Variants in DLG2 observed in about 807,000 individuals in gnomAD.
DLG2 encodes the protein discs large MAGUK scaffold protein 2.
A neutral mutation model predicts 132.5 loss-of-function variants in DLG2; 45 were observed. The ratio of observed to expected loss-of-function variants is 0.34; its 90% CI spans 0.27 to 0.44. The LOEUF (loss-of-function observed/expected upper bound fraction) is 0.44, where lower values mean the gene tolerates loss of function less well. DLG2 is among the 20% of genes least tolerant of loss of function. The pLI, the probability that DLG2 is intolerant of heterozygous loss-of-function variation, is 1.00. For synonymous variants in DLG2, 424 were observed against 419.6 expected (o/e 1.01, Z -0.13); for missense variants, 1,045 against 1,196.9 (o/e 0.87, Z 1.87).
intron 19 of DLG2, among the ~76,000 whole-genome samples, chr11:83,602,905 T>C (rs2058768943): frequency 6.6e-6 from 1 of 152,232 alleles, no homozygotes; most frequent in South Asian, 2.1e-4. Context: ...TATGATCACA[T>C]TTTAAAGAGC....
chr11:84,021,160 A>G (rs919132642), intron 11 of DLG2, among the ~76,000 whole-genome samples: 35 of 152,154 alleles, frequency 2.3e-4, no homozygotes, highest in African/African-American at 7.7e-4. Flanking sequence ...GCCCCTTTAT[A>G]TACTATTACA....
At chr11:84,554,957 T>C (rs1006268199) in intron 6 of DLG2, among the ~76,000 whole-genome samples, 1 of 152,086 alleles carries the variant, frequency 6.6e-6, no homozygotes, top group African/African-American at 2.4e-5. Context: ...TGAGAATCTT[T>C]GTGTTGGAAA....
At chr11:83,930,887 G>T (rs879921384) in intron 14 of DLG2, among the ~76,000 whole-genome samples, 1 of 152,106 alleles carries the variant, frequency 6.6e-6, no homozygotes, top group Non-Finnish European at 1.5e-5. Flanking sequence ...CAAACTTGAG[G>T]ATAAAGCCAA....
intron 6 of DLG2, among the ~76,000 whole-genome samples, chr11:84,582,205 G>C (rs981289594): frequency 2.0e-5 from 3 of 151,416 alleles, no homozygotes; most frequent in Non-Finnish European, 2.9e-5. Flanking sequence ...GAGTAGAAAG[G>C]CAAGGTAATA....
At chr11:83,487,365 G>T (rs2093585316) in intron 21 of DLG2, among the ~76,000 whole-genome samples, 1 of 151,992 alleles carries the variant, frequency 6.6e-6, no homozygotes, top group Admixed American at 6.6e-5. Context: ...GCCACATTTG[G>T]TTCCAAAAGC....
At chr11:84,547,747 A>C (rs2099393139) in intron 6 of DLG2, among the ~76,000 whole-genome samples, 1 of 152,100 alleles carries the variant, frequency 6.6e-6, no homozygotes, top group African/African-American at 2.4e-5. Context: ...TGTCTCTGCC[A>C]TTCTCACTGG....
chr11:84,651,594 T>C (rs965146358), intron 6 of DLG2, among the ~76,000 whole-genome samples: 2 of 152,202 alleles, frequency 1.3e-5, no homozygotes, highest in Non-Finnish European at 2.9e-5. Flanking sequence ...TCACAGGTTG[T>C]TGGAATCCAA....
chr11:85,237,645 G>A (rs945922432), intron 4 of DLG2, among the ~76,000 whole-genome samples: 6 of 152,026 alleles, frequency 3.9e-5, no homozygotes, highest in African/African-American at 1.4e-4. Flanking sequence ...ATGACCAGAT[G>A]GGAGGTCAGA....
intron 6 of DLG2, among the ~76,000 whole-genome samples, chr11:84,614,876 G>A (rs1262651881): frequency 2.0e-5 from 3 of 152,004 alleles, no homozygotes; most frequent in Admixed American, 2.0e-4. Flanking sequence ...TACATCAATT[G>A]TGCTATAATC....
chr11:83,667,686 A>T (rs562114498), intron 18 of DLG2, among the ~76,000 whole-genome samples: 84 of 152,280 alleles, frequency 5.5e-4, no homozygotes, highest in African/African-American at 1.9e-3. Context: ...ATGTACAGAA[A>T]TTAAAGGAAG....
chr11:84,498,691 T>C (rs1292447858), intron 7 of DLG2, among the ~76,000 whole-genome samples: 1 of 152,188 alleles, frequency 6.6e-6, no homozygotes, highest in Admixed American at 6.5e-5. Flanking sequence ...GAGGCAGCCA[T>C]TGCCTACAAA....
At chr11:83,734,597 C>G (rs765434489) in intron 18 of DLG2, among the ~76,000 whole-genome samples, 77 of 152,164 alleles carry the variant, frequency 5.1e-4, no homozygotes, top group South Asian at 1.0e-3. Flanking sequence ...ACTACAGGCA[C>G]AGGCTACAAT....
At chr11:83,641,731 C>T (rs1183781713) in intron 18 of DLG2, among the ~76,000 whole-genome samples, 2 of 152,178 alleles carry the variant, frequency 1.3e-5, no homozygotes, top group East Asian at 3.9e-4. Flanking sequence ...AAGGATTTTA[C>T]TAGCTTTTAC....
chr11:84,651,922 G>C (rs1434381739), intron 6 of DLG2, among the ~76,000 whole-genome samples: 1 of 152,126 alleles, frequency 6.6e-6, no homozygotes, highest in Non-Finnish European at 1.5e-5. Flanking sequence ...CAGTAATAAT[G>C]AAGTGGTCAG....
chr11:84,425,054 ATAG>A (rs2154469112), intron 7 of DLG2, among the ~76,000 whole-genome samples: 1 of 152,240 alleles, frequency 6.6e-6, no homozygotes, highest in African/African-American at 2.4e-5. Flanking sequence ...CTTCCCTAGG[ATAG>A]GGACCATAGC....
chr11:85,523,514 A>G (rs1016912281), intron 3 of DLG2, among the ~76,000 whole-genome samples: 1 of 152,230 alleles, frequency 6.6e-6, no homozygotes, highest in Non-Finnish European at 1.5e-5. Context: ...GAGAAATGAA[A>G]ATCAAACTAC....
At chr11:83,811,084 C>G (rs1429024062) in intron 17 of DLG2, among the ~76,000 whole-genome samples, 2 of 147,574 alleles carry the variant, frequency 1.4e-5, no homozygotes, top group African/African-American at 5.0e-5. Context: ...CCAGCAGACT[C>G]AGGATTGGAA....
At chr11:84,253,535 C>T (rs1381284352) in intron 7 of DLG2, among the ~76,000 whole-genome samples, 1 of 152,108 alleles carries the variant, frequency 6.6e-6, no homozygotes, top group Non-Finnish European at 1.5e-5. Flanking sequence ...ACTGTTTACA[C>T]TGCAGAGATC....
intron 6 of DLG2, among the ~76,000 whole-genome samples, chr11:84,867,334 G>A (rs1456693095): frequency 6.6e-6 from 1 of 152,186 alleles, no homozygotes; most frequent in African/African-American, 2.4e-5. Context: ...TGGGAGTATG[G>A]ACTCCTTTAG....
Sources: allele counts gnomAD v4.1 joint callset (sites outside exome capture counted in the v4.1 genomes callset), GRCh38; gene constraint gnomAD v4.1.1; transcripts MANE v1.5; gene names NCBI Gene and HGNC (gene_info 2026-07-23, HGNC 2026-07-21).